The following DAB1 variants were observed in gnomAD, a reference collection of about 807,000 sequenced individuals.
DAB1 encodes the protein disabled homolog 1.
DAB1 carries 15 observed loss-of-function variants against 64.6 expected under a neutral mutation model. That is an observed-to-expected ratio of 0.23 (90% CI 0.16 to 0.36). The LOEUF (loss-of-function observed/expected upper bound fraction) is 0.36, where lower values mean the gene tolerates loss of function less well. Ranked by LOEUF, DAB1 falls within the 10% of genes least tolerant of loss-of-function variation. DAB1 has a pLI of 1.00. For synonymous variants in DAB1, 235 were observed against 251.9 expected (o/e 0.93, Z 0.64); for missense variants, 596 against 706.7 (o/e 0.84, Z 1.78).
intron 4 of DAB1, among the ~76,000 whole-genome samples, chr1:57,117,411 T>C (rs566817700): frequency 6.6e-6 from 1 of 152,336 alleles, no homozygotes; most frequent in South Asian, 2.1e-4. Flanking sequence ...ACTCATTTTA[T>C]AGATGAAGAC....
intron 5 of DAB1, among the ~76,000 whole-genome samples, chr1:58,135,467 T>A (rs1323461956): frequency 6.6e-6 from 1 of 151,986 alleles, no homozygotes; most frequent in African/African-American, 2.4e-5. Flanking sequence ...AAACAGGAAC[T>A]TTTTTTTATT....
At chr1:57,623,257 G>A (rs1487921922) in intron 7 of DAB1, among the ~76,000 whole-genome samples, 3 of 152,088 alleles carry the variant, frequency 2.0e-5, no homozygotes, top group Admixed American at 2.0e-4. Context: ...GAGTGGCCCA[G>A]GGCTTCCGGA....
intron 5 of DAB1, among the ~76,000 whole-genome samples, chr1:58,015,031 C>T (rs1479161839): frequency 6.6e-6 from 1 of 152,192 alleles, no homozygotes; most frequent in Non-Finnish European, 1.5e-5. Context: ...ACTGCAGGCT[C>T]TTTTGTGAAT....
chr1:57,362,519 T>A (rs919599742), intron 1 of DAB1, among the ~76,000 whole-genome samples: 2 of 152,148 alleles, frequency 1.3e-5, no homozygotes, highest in African/African-American at 4.8e-5. Context: ...TAATTGCCAA[T>A]GTGATGGTAT....
intron 7 of DAB1, among the ~76,000 whole-genome samples, chr1:57,439,436 T>TTTTGTTTTTTTTTGTTTTTTTTTTG (rs1558381591): frequency 1.5e-5 from 2 of 135,986 alleles, no homozygotes; most frequent in East Asian, 4.5e-4. Context: ...TTTTTTTTTT[T>TTTTGTTTTTTTTTGTTTTTTTTTTG]TTTTTTTTTT....
intron 1 of DAB1, among the ~76,000 whole-genome samples, chr1:57,421,763 T>G (rs1684904741): frequency 6.6e-6 from 1 of 152,002 alleles, no homozygotes; most frequent in Non-Finnish European, 1.5e-5. Flanking sequence ...CAATTTCTGA[T>G]TGCTTAGAAG....
chr1:57,469,774 A>T (rs1687078281), intron 7 of DAB1, among the ~76,000 whole-genome samples: 1 of 152,222 alleles, frequency 6.6e-6, no homozygotes, highest in Admixed American at 6.5e-5. Flanking sequence ...AGTATCTTCT[A>T]TGAGTTATTT....
At chr1:57,581,402 T>C (rs1645310307) in intron 7 of DAB1, among the ~76,000 whole-genome samples, 1 of 152,126 alleles carries the variant, frequency 6.6e-6, no homozygotes, top group South Asian at 2.1e-4. Context: ...ATGCCCCAAA[T>C]CTGTAAAGGA....
chr1:58,391,781 C>T (rs1311258781), intron 3 of DAB1, among the ~76,000 whole-genome samples: 1 of 152,174 alleles, frequency 6.6e-6, no homozygotes, highest in Non-Finnish European at 1.5e-5. Flanking sequence ...TGTCGTCTTG[C>T]AATGTGTGTA....
chr1:58,225,277 A>T (rs1659404011), intron 4 of DAB1, among the ~76,000 whole-genome samples: 1 of 152,184 alleles, frequency 6.6e-6, no homozygotes, highest in African/African-American at 2.4e-5. Context: ...ATCTCACACC[A>T]GTTAGAATGG....
intron 5 of DAB1, among the ~76,000 whole-genome samples, chr1:58,051,383 C>CT (rs1647656084): frequency 6.6e-6 from 1 of 152,056 alleles, no homozygotes; most frequent in East Asian, 1.9e-4. Context: ...TGAGCTCATC[C>CT]TTTTTTATGG....
chr1:57,358,508 T>A (rs901581905), intron 1 of DAB1, among the ~76,000 whole-genome samples: 13 of 151,918 alleles, frequency 8.6e-5, no homozygotes, highest in Non-Finnish European at 1.3e-4. Flanking sequence ...TGAAAAGACA[T>A]CCCATGTTTA....
At chr1:58,247,267 G>C (rs12073967) in intron 4 of DAB1, among the ~76,000 whole-genome samples, 28,106 of 69,946 alleles carry the variant, frequency 0.4, 3,838 homozygotes, top group African/African-American at 0.53. Context: ...TTCCCCCCCC[G>C]CCAGGTTAAA....
chr1:57,020,444 T>A (rs1322707008), intron 11 of DAB1, among the ~76,000 whole-genome samples: 1 of 152,178 alleles, frequency 6.6e-6, no homozygotes, highest in Admixed American at 6.5e-5. Context: ...GTAAGTTCCC[T>A]GAGGCTCAGA....
intron 7 of DAB1, among the ~76,000 whole-genome samples, chr1:57,611,128 C>CTT (rs5774360): frequency 0.16 from 17,842 of 111,554 alleles, 1,713 homozygotes; most frequent in South Asian, 0.23. Context: ...CGTGCAGTGG[C>CTT]TTTTTTTTTT....
chr1:58,104,467 T>A (rs1418477233), intron 5 of DAB1, among the ~76,000 whole-genome samples: 2 of 152,166 alleles, frequency 1.3e-5, no homozygotes, highest in Non-Finnish European at 2.9e-5. Flanking sequence ...AATATAGTAA[T>A]CAACACTTGT....
intron 4 of DAB1, among the ~76,000 whole-genome samples, chr1:58,159,444 T>C (rs1221819754): frequency 6.6e-6 from 1 of 152,192 alleles, no homozygotes; most frequent in Non-Finnish European, 1.5e-5. Flanking sequence ...TGGTCAGAAT[T>C]GTGGATGTCT....
At chr1:57,061,238 G>GGT (rs1553135654) in intron 9 of DAB1, among the ~76,000 whole-genome samples, 12 of 150,386 alleles carry the variant, frequency 8.0e-5, no homozygotes, top group Non-Finnish European at 1.8e-4. Flanking sequence ...TGGGGGGGGG[G>GGT]GGTGGTTTCA....
At chr1:58,366,030 G>A (rs1008122073) in intron 3 of DAB1, among the ~76,000 whole-genome samples, 1 of 152,088 alleles carries the variant, frequency 6.6e-6, no homozygotes, top group Admixed American at 6.5e-5. Context: ...AGTGACTGCT[G>A]CCAACCAATG....
Sources: gnomAD v4.1 joint callset for allele counts (sites outside exome capture counted in the v4.1 genomes callset) on GRCh38, gnomAD v4.1.1 for gene constraint, MANE v1.5 for transcripts, NCBI Gene and HGNC (gene_info 2026-07-23, HGNC 2026-07-21) for gene names.